The following PCYT1B variants were observed in gnomAD, a reference collection of about 807,000 sequenced individuals.
PCYT1B encodes the protein choline-phosphate cytidylyltransferase B.
PCYT1B carries 10 observed loss-of-function variants against 26.4 expected under a neutral mutation model. The ratio of observed to expected loss-of-function variants is 0.38; its 90% confidence interval spans 0.23 to 0.64. The LOEUF is 0.64. Among genes scored for constraint, PCYT1B ranks in the 30% least tolerant of loss-of-function variants. The pLI is 0.56. For missense variants in PCYT1B, 161 were observed against 292.7 expected, an observed-to-expected ratio of 0.55 and a Z score of 3.28; for synonymous variants, 131 against 108.4, an observed-to-expected ratio of 1.21 and a Z score of -1.29.
chrX:24,660,179 T>C (rs1189090464), intron 1 of PCYT1B, among the ~76,000 whole-genome samples: 1 of 111,770 alleles, frequency 8.9e-6, no homozygotes, highest in African/African-American at 3.3e-5. Flanking sequence ...GATGAGACAC[T>C]TTATTCATAC....
intron 3 of PCYT1B, among the ~76,000 whole-genome samples, chrX:24,593,878 A>G (rs1160840043): frequency 9.0e-6 from 1 of 111,346 alleles, no homozygotes; most frequent in East Asian, 2.8e-4. Flanking sequence ...ATGAGCTTCT[A>G]GATGCATATA....
At chrX:24,663,980 T>C (rs1215960366) in intron 1 of PCYT1B, among the ~76,000 whole-genome samples, 1 of 109,465 alleles carries the variant, frequency 9.1e-6, no homozygotes, top group African/African-American at 3.4e-5. Context: ...CTCCAGGGGA[T>C]GGGGAATGAG....
intron 1 of PCYT1B, among the ~76,000 whole-genome samples, chrX:24,656,233 G>T (rs752019062): frequency 2.0e-5 from 2 of 100,589 alleles, no homozygotes; most frequent in South Asian, 9.8e-4. Flanking sequence ...GGGTCGCGGG[G>T]GGGGGTGGTA....
At chrX:24,613,611 T>C (rs1925377497) in intron 2 of PCYT1B, among the ~76,000 whole-genome samples, 1 of 111,402 alleles carries the variant, frequency 9.0e-6, no homozygotes, top group African/African-American at 3.3e-5. Flanking sequence ...ACAAACTTCC[T>C]TTTTGAAAAG....
At chrX:24,622,630 T>C (rs1380522533) in intron 1 of PCYT1B, among the ~76,000 whole-genome samples, 2 of 112,501 alleles carry the variant, frequency 1.8e-5, no homozygotes, top group African/African-American at 6.5e-5. Flanking sequence ...TATCCATCGA[T>C]ATACTAAGCA....
intron 4 of PCYT1B, among the ~76,000 whole-genome samples, chrX:24,588,044 A>T (rs1924429694): frequency 9.0e-6 from 1 of 111,430 alleles, no homozygotes; most frequent in Non-Finnish European, 1.9e-5. Context: ...AAAACGAGTG[A>T]CCCCTTCCAA....
Position 24,559,886 on chromosome X carries a change from C to T in PCYT1B, c.*2407G>A, listed in dbSNP as rs1290468459. The T allele has an allele frequency of 1.8e-5, 2 of 111,598 alleles. No individual in the cohort carries two copies. Among genetic ancestry groups the T allele is most frequent in the Non-Finnish European group, 3.8e-5 (2 of 53,114 alleles). The allele number at this position is 111,598 out of a possible 1,213,427, so 9.2% of individuals were successfully genotyped here. On this transcript the variant is annotated 3_prime_UTR_variant, in exon 8 of 8. Transcript: ENST00000379144. ...CATTCCTTCTCAGTAGATTTGCAGC[C>T]TCAAGAGGGTGGAACGGGGGGACTC...
intron 7 of PCYT1B, 28 bp from the exon 8 acceptor site, chrX:24,562,533 T>G: frequency 8.6e-7 from 1 of 1,157,955 alleles, no homozygotes; most frequent in Non-Finnish European, 1.2e-6. Flanking sequence ...AGAAGGCATC[T>G]GTTAACTTTG....
At chrX:24,668,195 T>G (rs1009158826) in intron 1 of PCYT1B, among the ~76,000 whole-genome samples, 1 of 112,171 alleles carries the variant, frequency 8.9e-6, no homozygotes, top group Non-Finnish European at 1.9e-5. Context: ...TGGAGCTAAC[T>G]GATGACTGGT....
At chrX:24,598,514 C>A (rs1924859609) in intron 3 of PCYT1B, among the ~76,000 whole-genome samples, 1 of 110,758 alleles carries the variant, frequency 9.0e-6, no homozygotes, top group African/African-American at 3.3e-5. Context: ...CACACACTCA[C>A]ACACACACGT....
At chrX:24,666,012 G>A (rs1005023223) in intron 1 of PCYT1B, among the ~76,000 whole-genome samples, 1 of 110,767 alleles carries the variant, frequency 9.0e-6, no homozygotes, top group Non-Finnish European at 1.9e-5. Context: ...CAGGGTTGAG[G>A]TAGAGAGCCT....
chrX:24,602,536 A>G (rs974028950), intron 3 of PCYT1B, among the ~76,000 whole-genome samples: 1 of 111,296 alleles, frequency 9.0e-6, no homozygotes, highest in African/African-American at 3.3e-5. Context: ...GGTGATAATG[A>G]TGTGTCAATG....
At chrX:24,637,487 A>AAAAAAAAT in intron 1 of PCYT1B, among the ~76,000 whole-genome samples, 1 of 56,175 alleles carries the variant, frequency 1.8e-5, no homozygotes, top group South Asian at 9.5e-4. Flanking sequence ...ACTAAAAAAA[A>AAAAAAAAT]AAAAATATAT....
intron 1 of PCYT1B, among the ~76,000 whole-genome samples, chrX:24,670,121 G>A (rs193135612): frequency 1.3e-3 from 120 of 91,220 alleles, no homozygotes; most frequent in African/African-American, 4.7e-3. Context: ...AGAAAGGAAG[G>A]AAGGAAGGAA....
intron 7 of PCYT1B, among the ~76,000 whole-genome samples, chrX:24,573,538 C>T (rs1052289017): frequency 3.2e-4 from 36 of 111,195 alleles, no homozygotes; most frequent in Non-Finnish European, 5.6e-5. Flanking sequence ...TTCTGAATCC[C>T]TGTAAACGAA....
At chrX:24,665,021 G>A (rs1016846727) in intron 1 of PCYT1B, among the ~76,000 whole-genome samples, 1 of 111,216 alleles carries the variant, frequency 9.0e-6, no homozygotes, top group Admixed American at 9.6e-5. Context: ...GTAAAAGCTA[G>A]GGGACAACAT....
intron 1 of PCYT1B, chrX:24,632,495 A>T (rs989511776): frequency 1.5e-5 from 2 of 135,524 alleles, no homozygotes; most frequent in African/African-American, 3.2e-5. Flanking sequence ...CTCGACGATC[A>T]CCTCCAGGGA....
intron 1 of PCYT1B, among the ~76,000 whole-genome samples, chrX:24,624,056 A>G (rs763785409): frequency 2.2e-4 from 22 of 99,073 alleles, no homozygotes; most frequent in Middle Eastern, 5.6e-3. Context: ...TGCAAGCTCC[A>G]CTTCCCGGGT....
At position 24,629,559 on chromosome X, in the gene PCYT1B, C is replaced by CAAAAAAAAAAAAAAAAAA. The variant is rs1165553186; in HGVS notation, c.118-10493_118-10476dup. Among the ~76,000 whole-genome samples, 2 of 16,105 alleles carry CAAAAAAAAAAAAAAAAAA rather than the reference C, an allele frequency of 1.2e-4. 1 individual carries two copies. Among genetic ancestry groups the CAAAAAAAAAAAAAAAAAA allele is most frequent in the Non-Finnish European group, 2.1e-4 (2 of 9,662 alleles). 14.0% of individuals were successfully genotyped at this position (16,105 alleles called of 115,157 possible). On this transcript the variant is annotated intron_variant, in intron 1 of 7. Transcript: ENST00000379144. ...TGGGTGAAAGAGTGAGACCCTGTCT[C>CAAAAAAAAAAAAAAAAAA]AAAAAAAAAAAAAAAAAAAAAAAAA...
Sources: allele counts gnomAD v4.1 joint callset (sites outside exome capture counted in the v4.1 genomes callset), GRCh38; gene constraint gnomAD v4.1.1; transcripts MANE v1.5; gene names NCBI Gene and HGNC (gene_info 2026-07-23, HGNC 2026-07-21).